C6orf120: variants seen among roughly 807,000 people sequenced by gnomAD.
C6orf120 encodes the protein UPF0669 protein C6orf120.
For missense variants in C6orf120, 311 were observed against 264.2 expected (o/e 1.18, Z -1.23); for synonymous variants, 165 against 123.1 (o/e 1.34, Z -2.25).
At position 169,703,939 on chromosome 6, in the gene C6orf120, ATGT is replaced by A. The variant is rs1266549024; in HGVS notation, c.*908_*910del. On this transcript the variant is annotated 3_prime_UTR_variant, in exon 1 of 1. Transcript: ENST00000332290. ...AAAATCTTTTATTGGCATGAAAATA[ATGT>A]TGTAAATGGCACCAAATATTCCACT... 4.5e-5 allele frequency: 58 copies of A among 1,274,910 alleles called. No homozygotes were observed. The African/African-American group carries it at 8.1e-4, about 18-fold the overall frequency. The allele number at this position is 1,274,910 out of a possible 1,614,324, so 79.0% of individuals were successfully genotyped here.
At chr6:169,702,973 G>C in exon 1 of C6orf120, 1 of 1,602,536 alleles carries the variant, frequency 6.2e-7, no homozygotes. Flanking sequence ...GCAAGAGGAG[G>C]AATCTGTTCT....
exon 1 of C6orf120, chr6:169,703,740 T>C (rs1788613945): frequency 2.2e-6 from 1 of 448,876 alleles, no homozygotes. Flanking sequence ...TTTGGGGCTA[T>C]GGAGAAACAG....
chr6:169,702,642 C>T (rs370267053), exon 1 of C6orf120: 13 of 1,613,396 alleles, frequency 8.1e-6, no homozygotes, highest in African/African-American at 8.0e-5. Context: ...GGCTGAACCA[C>T]GAGGGCAAGA....
chr6:169,705,870 T>C (rs915821309), downstream of C6orf120: 1 of 629,330 alleles, frequency 1.6e-6, no homozygotes, highest in African/African-American at 1.8e-5. Context: ...GACAGGAGTC[T>C]GCCTACAATG....
At chr6:169,703,982 G>A (rs963308330) in exon 1 of C6orf120, 41 of 1,557,184 alleles carry the variant, frequency 2.6e-5, no homozygotes, top group Non-Finnish European at 3.2e-5. Context: ...TGCATATACA[G>A]TATTAGAGTC....
chr6:169,704,325 G>A (rs932553077), exon 1 of C6orf120: 7 of 460,888 alleles, frequency 1.5e-5, no homozygotes, highest in East Asian at 7.2e-5. Flanking sequence ...AATGCCATAC[G>A]GTGATACGGA....
exon 1 of C6orf120, chr6:169,703,794 G>C: frequency 1.9e-6 from 1 of 517,858 alleles, no homozygotes; most frequent in Non-Finnish European, 3.4e-6. Context: ...AATTTTTGGA[G>C]TGAGCCAAGG....
chr6:169,703,880 A>G, exon 1 of C6orf120: 1 of 700,242 alleles, frequency 1.4e-6, no homozygotes, highest in Non-Finnish European at 2.4e-6. Flanking sequence ...TTTAACAGAA[A>G]TAACTGCAGA....
chr6:169,704,232 A>C (rs962367150), exon 1 of C6orf120: 1 of 567,990 alleles, frequency 1.8e-6, no homozygotes, highest in Non-Finnish European at 3.0e-6. Context: ...GAGTTCCTTA[A>C]TTTAAGGAAA....
downstream of C6orf120, chr6:169,705,752 T>C (rs1247775784): frequency 2.8e-6 from 3 of 1,080,778 alleles, no homozygotes; most frequent in Non-Finnish European, 4.3e-6. Flanking sequence ...GGCTATAAAT[T>C]CATGCCAGAA....
exon 1 of C6orf120, chr6:169,702,660 C>A: frequency 6.2e-7 from 1 of 1,613,444 alleles, no homozygotes. Context: ...AGATAGTCCT[C>A]AGGATGCGCA....
exon 1 of C6orf120, chr6:169,704,051 TGGG>T (rs754137375): frequency 1.3e-6 from 2 of 1,587,356 alleles, no homozygotes; most frequent in African/African-American, 2.7e-5. Flanking sequence ...TCCTGGGTGT[TGGG>T]GGGGCCCGCT....
chr6:169,703,038 CGTT>C, exon 1 of C6orf120: 2 of 1,546,484 alleles, frequency 1.3e-6, no homozygotes, highest in Non-Finnish European at 1.7e-6. Context: ...TCTTTTGAGT[CGTT>C]GACCACACTC....
Position 169,702,406 on chromosome 6 carries a change from G to A in C6orf120, c.-54G>A, listed in dbSNP as rs190483655. On this transcript the variant is annotated 5_prime_UTR_variant, in exon 1 of 1. Coordinates refer to ENST00000332290, the Ensembl canonical transcript of C6orf120. ...ACAGGCTCCGGTGCTGAGCGCCTCC[G>A]GTGTCCCCAGCAGCACTGACCCACT... 5.8e-5 allele frequency: 65 copies of A among 1,129,018 alleles called. No individual in the cohort carries two copies. The Middle Eastern group carries it at 8.9e-4, about 15-fold the overall frequency. 69.9% of individuals were successfully genotyped at this position (1,129,018 alleles called of 1,614,324 possible).
At chr6:169,702,507 G>A (rs983850371) in exon 1 of C6orf120, 2 of 1,603,062 alleles carry the variant, frequency 1.2e-6, no homozygotes, top group African/African-American at 1.3e-5. Flanking sequence ...CGGCCCTGCT[G>A]CTGCTCCTAG....
chr6:169,705,987 G>C (rs1788772539), downstream of C6orf120, among the ~76,000 whole-genome samples: 1 of 152,088 alleles, frequency 6.6e-6, no homozygotes, highest in African/African-American at 2.4e-5. Flanking sequence ...TGCACAGTAA[G>C]ATTTGTTTAA....
At chr6:169,703,875 CAG>C (rs1421521095) in exon 1 of C6orf120, 2 of 682,858 alleles carry the variant, frequency 2.9e-6, no homozygotes, top group Non-Finnish European at 4.9e-6. Context: ...TAGCTTTTAA[CAG>C]AAATAACTGC....
exon 1 of C6orf120, chr6:169,704,436 C>A (rs1192145712): frequency 1.3e-5 from 3 of 234,952 alleles, no homozygotes; most frequent in Non-Finnish European, 2.6e-5. Flanking sequence ...TTTTTCTCTC[C>A]TGCTCACTGG....
chr6:169,705,105 T>G (rs756940453), downstream of C6orf120: 8 of 1,549,932 alleles, frequency 5.2e-6, no homozygotes, highest in South Asian at 9.8e-5. Context: ...CACCCAAAGA[T>G]AATGTTTGCT....
Sources: allele counts gnomAD v4.1 joint callset (sites outside exome capture counted in the v4.1 genomes callset), GRCh38; gene constraint gnomAD v4.1.1; transcripts MANE v1.5; gene names NCBI Gene and HGNC (gene_info 2026-07-23, HGNC 2026-07-21).